DPY19L3: variants seen among roughly 807,000 people sequenced by gnomAD.
DPY19L3 encodes dpy-19 like C-mannosyltransferase 3.
DPY19L3 carries 51 observed loss-of-function variants against 92.3 expected under a neutral mutation model. The ratio of observed to expected loss-of-function variants is 0.55; its 90% CI spans 0.44 to 0.70. The LOEUF is 0.70. Among genes scored for constraint, DPY19L3 ranks in the 30% least tolerant of loss-of-function variants. The pLI is 0.00. For synonymous variants in DPY19L3, 309 were observed against 315.2 expected, an observed-to-expected ratio of 0.98 and a Z score of 0.21; for missense variants, 706 against 855.9, an observed-to-expected ratio of 0.82 and a Z score of 2.18.
chr19:32,480,241 C>G (rs1050648938), intron 17 of DPY19L3, among the ~76,000 whole-genome samples, 158 bp from the exon 18 acceptor site: 1 of 152,230 alleles, frequency 6.6e-6, no homozygotes, highest in Non-Finnish European at 1.5e-5. Flanking sequence ...CGCACACACT[C>G]CAGGCCTGCA....
In DPY19L3 at chr19:32,473,132, A is replaced by G. The variant is rs149553828; in HGVS notation, c.1697+4319A>G. Among the ~76,000 whole-genome samples, 337 of 152,326 alleles carry G rather than the reference A, an allele frequency of 2.2e-3. 2 individuals are homozygous for G. Among genetic ancestry groups the G allele is most frequent in the African/African-American group, 7.7e-3 (322 of 41,576 alleles). On this transcript the variant is annotated intron_variant, in intron 16 of 18. Coordinates refer to ENST00000392250, the MANE Select transcript of DPY19L3 (RefSeq NM_001172774.2). Reference sequence around the variant, plus strand: ...GCTTAGAGCTTCAAAAATAAATGAGATTATTTGTTCAAAATGCCATCAGGT... The same window carrying G: ...GCTTAGAGCTTCAAAAATAAATGAGGTTATTTGTTCAAAATGCCATCAGGT...
chr19:32,463,271 A>G, intron 12 of DPY19L3, 95 bp from the exon 13 acceptor site: 1 of 1,344,662 alleles, frequency 7.4e-7, no homozygotes. Flanking sequence ...TTCTGAATAC[A>G]TAAAGGCATA....
chr19:32,436,809 A>G (rs1002294312), intron 5 of DPY19L3, among the ~76,000 whole-genome samples: 1 of 152,222 alleles, frequency 6.6e-6, no homozygotes, highest in Non-Finnish European at 1.5e-5. Flanking sequence ...CTAGAAGCTA[A>G]TAAATATTTT....
intron 2 of DPY19L3, 27 bp downstream of exon 2, chr19:32,408,383 T>C (rs770297176): frequency 6.5e-6 from 10 of 1,548,814 alleles, no homozygotes; most frequent in Non-Finnish European, 8.9e-6. Flanking sequence ...AAAGCAGCAA[T>C]TTGGGTTGCT....
At chr19:32,436,411 A>G (rs1969140342) in intron 4 of DPY19L3, 35 bp from the exon 5 acceptor site, 1 of 1,394,826 alleles carries the variant, frequency 7.2e-7, no homozygotes, top group African/African-American at 1.5e-5. Context: ...TTATGAGTGT[A>G]ATTATTTTCT....
chr19:32,415,989 G>A (rs937380636), intron 3 of DPY19L3, among the ~76,000 whole-genome samples: 25 of 152,212 alleles, frequency 1.6e-4, no homozygotes, highest in Non-Finnish European at 3.7e-4. Context: ...TAAGATCTGC[G>A]AGAACATTCT....
intron 8 of DPY19L3, 151 bp downstream of exon 8, chr19:32,440,061 TA>T (rs1447492220): frequency 1.0e-6 from 1 of 979,504 alleles, no homozygotes; most frequent in Admixed American, 2.9e-5. Flanking sequence ...TGAAGCTGAG[TA>T]ATTTATGAAG....
chr19:32,429,648 A>G (rs1169908175), intron 3 of DPY19L3, among the ~76,000 whole-genome samples: 1 of 152,204 alleles, frequency 6.6e-6, no homozygotes, highest in African/African-American at 2.4e-5. Flanking sequence ...TTAGAACCAT[A>G]TAATTCACTC....
chr19:32,414,107 A>AC (rs1435717654), intron 3 of DPY19L3, among the ~76,000 whole-genome samples: 1 of 151,732 alleles, frequency 6.6e-6, no homozygotes, highest in Non-Finnish European at 1.5e-5. Context: ...ACATGGTGAA[A>AC]CCCCGTCTCT....
rs186777593 is a variant in DPY19L3 at position 32,448,541 on chromosome 19, A to G, written c.856-4604A>G. ...ATATTTTGTATGTGATGCATTATAT[A>G]CTATATTCTTATTATAAAGTAAGCT... is the stretch of plus-strand genomic sequence containing the variant. On this transcript the variant is annotated intron_variant, in intron 8 of 18. Coordinates refer to ENST00000392250, the MANE Select transcript of DPY19L3 (RefSeq NM_001172774.2). Among the ~76,000 whole-genome samples, 7 of 152,352 alleles carry G rather than the reference A, an allele frequency of 4.6e-5. No individual in the cohort carries two copies. In the East Asian group the frequency reaches 1.3e-3, roughly 29 times the overall value.
At chr19:32,417,267 G>A (rs1263799819) in intron 3 of DPY19L3, among the ~76,000 whole-genome samples, 1 of 152,118 alleles carries the variant, frequency 6.6e-6, no homozygotes. Context: ...TCATGGGGGC[G>A]GGCCTTTCCT....
intron 8 of DPY19L3, among the ~76,000 whole-genome samples, chr19:32,445,910 A>T (rs1350716095): frequency 6.6e-6 from 1 of 152,038 alleles, no homozygotes; most frequent in African/African-American, 2.4e-5. Flanking sequence ...CTGAGGCTGG[A>T]GAATTGCTTT....
intron 16 of DPY19L3, 100 bp from the exon 17 acceptor site, chr19:32,477,422 A>G: frequency 2.5e-5 from 37 of 1,473,156 alleles, no homozygotes; most frequent in Non-Finnish European, 3.3e-5. Flanking sequence ...AACACTTGGT[A>G]ACATAGCTGG....
At chr19:32,480,291 C>G in intron 17 of DPY19L3, 108 bp from the exon 18 acceptor site, 1 of 1,282,950 alleles carries the variant, frequency 7.8e-7, no homozygotes, top group Non-Finnish European at 1.1e-6. Context: ...GAGAGAGCAC[C>G]TTGGGTGTTA....
chr19:32,460,271 C>T (rs1969995856), intron 12 of DPY19L3, among the ~76,000 whole-genome samples: 1 of 152,044 alleles, frequency 6.6e-6, no homozygotes, highest in Non-Finnish European at 1.5e-5. Flanking sequence ...ATTAGCCAGG[C>T]ACGATGGTGC....
At position 32,480,602 on chromosome 19, in the gene DPY19L3, G is replaced by A. The variant is rs200572502; in HGVS notation, c.1989+45G>A. On this transcript the variant is annotated intron_variant, in intron 18 of 18. Transcript: ENST00000392250. ...CTGTGTGGGGGTCTCCTGGAGGGGC[G>A]GGACTCTGATTTGAATCCTAAGAAT... 2.7e-4 allele frequency: 417 copies of A among 1,569,906 alleles called. 1 individual carries two copies. The highest frequency in any genetic ancestry group is 5.3e-4 in the African/African-American group (39 of 73,218).
chr19:32,455,060 A>G lies in DPY19L3; in HGVS notation c.1089+20A>G, dbSNP rs372138822. On this transcript the variant is annotated intron_variant, in intron 10 of 18. Transcript: ENST00000392250. ...ATTAAGGTAAGTTAATAAAAATGACATGTTTAATGTATTTTTAATTAACTT... is the reference window on the plus strand; with the variant it reads ...ATTAAGGTAAGTTAATAAAAATGACGTGTTTAATGTATTTTTAATTAACTT... 238 of 1,394,524 alleles carry G rather than the reference A, an allele frequency of 1.7e-4. 1 individual carries two copies. The South Asian group carries it at 2.0e-3, about 11-fold the overall frequency. 86.4% of individuals were successfully genotyped at this position (1,394,524 alleles called of 1,614,324 possible).
chr19:32,427,074 G>A (rs528795942), intron 3 of DPY19L3, among the ~76,000 whole-genome samples: 1 of 152,196 alleles, frequency 6.6e-6, no homozygotes, highest in South Asian at 2.1e-4. Flanking sequence ...GCTCACTGTA[G>A]CCTCGACTTC....
At chr19:32,454,821 T>C (rs1004386491) in intron 9 of DPY19L3, 118 bp from the exon 10 acceptor site, 2 of 614,672 alleles carry the variant, frequency 3.3e-6, no homozygotes, top group African/African-American at 3.9e-5. Context: ...TTTCCACATA[T>C]ATTTTCCCTT....
Sources: allele counts gnomAD v4.1 joint callset (sites outside exome capture counted in the v4.1 genomes callset), GRCh38; gene constraint gnomAD v4.1.1; transcripts MANE v1.5; gene names NCBI Gene and HGNC (gene_info 2026-07-23, HGNC 2026-07-21).